The following NR1H4 variants were observed in gnomAD, a reference collection of about 807,000 sequenced individuals.
NR1H4 encodes bile acid receptor.
NR1H4 carries 23 observed loss-of-function variants against 58.5 expected under a neutral mutation model. That is an observed-to-expected ratio of 0.39 (90% CI 0.28 to 0.56). The LOEUF is 0.56. Among genes scored for constraint, NR1H4 ranks in the 20% least tolerant of loss-of-function variants. NR1H4 has a pLI of 0.58. For missense variants in NR1H4, 487 were observed against 576.9 expected (o/e 0.84, Z 1.60); for synonymous variants, 214 against 198.0 (o/e 1.08, Z -0.68).
At position 100,563,252 on chromosome 12, in the gene NR1H4, T is replaced by C; in HGVS notation, c.1194T>C (p.Asp398=). The part of the protein sequence containing the change: ...LLTAIVILSP[D]RQYIKDREAV... ...ATTTTATTTTAAACTTCAAAACAGA[T>C]AGACAATACATAAAGGATAGAGAGG... Residue 398 remains aspartate (D), a splice_region_variant and synonymous_variant, in exon 11 of 11, where the codon GAT becomes GAC. Coordinates refer to ENST00000392986, the MANE Select transcript of NR1H4 (RefSeq NM_001206979.2). The C allele has an allele frequency of 6.2e-7, 1 of 1,606,194 alleles. No individual in the cohort carries two copies. Among genetic ancestry groups the C allele is most frequent in the Non-Finnish European group, 8.5e-7 (1 of 1,172,758 alleles).
chr12:100,510,717 C>G lies in NR1H4; in HGVS notation c.80-61C>G. On this transcript the variant is annotated intron_variant, in intron 3 of 10. Coordinates refer to ENST00000392986, the MANE Select transcript of NR1H4 (RefSeq NM_001206979.2). ...CCACACTCCTAACCATTACGCCAAA[C>G]TGCCTCTCTAATTTCCAGAATGATG... 2.5e-6 allele frequency: 4 copies of G among 1,600,808 alleles called. No individual in the cohort carries two copies. The South Asian group carries it at 4.4e-5, about 18-fold the overall frequency.
intron 1 of NR1H4, among the ~76,000 whole-genome samples, chr12:100,488,135 G>A (rs1953533649): frequency 6.6e-6 from 1 of 151,958 alleles, no homozygotes; most frequent in Non-Finnish European, 1.5e-5. Context: ...CGAGTAGCTG[G>A]GATTACAAGC....
chr12:100,475,857 T>A (rs1953258044), intron 1 of NR1H4, among the ~76,000 whole-genome samples: 1 of 152,270 alleles, frequency 6.6e-6, no homozygotes, highest in Admixed American at 6.5e-5. Flanking sequence ...TGCCTCAGCC[T>A]CCTGAGTAGC....
intron 1 of NR1H4, among the ~76,000 whole-genome samples, chr12:100,478,395 T>C (rs1001526163): frequency 6.6e-6 from 1 of 152,208 alleles, no homozygotes; most frequent in Non-Finnish European, 1.5e-5. Flanking sequence ...AGCAAACCCT[T>C]CTTTTCTGGA....
At chr12:100,494,687 C>T (rs538669922) in intron 3 of NR1H4, among the ~76,000 whole-genome samples, 4 of 152,362 alleles carry the variant, frequency 2.6e-5, no homozygotes, top group Non-Finnish European at 1.5e-5. Context: ...TGACCATTTG[C>T]TTCTGGCCTG....
chr12:100,492,335 C>T (rs1953623061), intron 1 of NR1H4, among the ~76,000 whole-genome samples, 168 bp from the exon 2 acceptor site: 1 of 152,104 alleles, frequency 6.6e-6, no homozygotes, highest in Admixed American at 6.6e-5. Flanking sequence ...ATATCCTCTT[C>T]CTGGGCAGCA....
intron 3 of NR1H4, among the ~76,000 whole-genome samples, chr12:100,510,041 A>T (rs1200472716): frequency 1.3e-5 from 2 of 152,264 alleles, no homozygotes; most frequent in African/African-American, 4.8e-5. Flanking sequence ...CAGCACATAG[A>T]AATCTAAATA....
At chr12:100,488,266 C>T (rs1291797578) in intron 1 of NR1H4, among the ~76,000 whole-genome samples, 1 of 152,152 alleles carries the variant, frequency 6.6e-6, no homozygotes, top group Non-Finnish European at 1.5e-5. Flanking sequence ...TCCCAAAGTG[C>T]TGGGATTACA....
intron 8 of NR1H4, 130 bp from the exon 9 acceptor site, chr12:100,540,542 G>T: frequency 1.1e-6 from 1 of 928,668 alleles, no homozygotes; most frequent in East Asian, 2.4e-5. Context: ...AGTACAAATG[G>T]ACTCAACTAG....
intron 9 of NR1H4, among the ~76,000 whole-genome samples, chr12:100,546,135 A>G (rs995629895): frequency 1.3e-5 from 2 of 152,156 alleles, no homozygotes; most frequent in Non-Finnish European, 2.9e-5. Context: ...GCTGGAGGCT[A>G]TCAGCCAGCC....
At chr12:100,543,835 T>C (rs1226283184) in intron 9 of NR1H4, among the ~76,000 whole-genome samples, 1 of 152,174 alleles carries the variant, frequency 6.6e-6, no homozygotes, top group Non-Finnish European at 1.5e-5. Flanking sequence ...TTTAGACTAT[T>C]GAACATACAC....
At chr12:100,503,504 A>G (rs1415840467) in intron 3 of NR1H4, 4 of 1,589,674 alleles carry the variant, frequency 2.5e-6, no homozygotes, top group East Asian at 4.5e-5. Flanking sequence ...AAGGTAGGAC[A>G]CTGTTCACAG....
At chr12:100,490,363 A>G (rs914638964) in intron 1 of NR1H4, among the ~76,000 whole-genome samples, 6 of 152,188 alleles carry the variant, frequency 3.9e-5, no homozygotes, top group Non-Finnish European at 8.8e-5. Context: ...CAGATGTGAG[A>G]CAAGGAGAGC....
intron 3 of NR1H4, among the ~76,000 whole-genome samples, chr12:100,497,172 G>A (rs1953733834): frequency 6.6e-6 from 1 of 152,168 alleles, no homozygotes; most frequent in Admixed American, 6.5e-5. Flanking sequence ...AGGGACTGGA[G>A]CATATATTAA....
intron 3 of NR1H4, among the ~76,000 whole-genome samples, chr12:100,497,186 T>C (rs1953734294): frequency 6.6e-6 from 1 of 152,124 alleles, no homozygotes; most frequent in Admixed American, 6.6e-5. Flanking sequence ...ATATTAATAT[T>C]AACTGCCCCT....
intron 4 of NR1H4, among the ~76,000 whole-genome samples, chr12:100,513,787 T>C (rs1287610916): frequency 7.5e-6 from 1 of 132,566 alleles, no homozygotes; most frequent in African/African-American, 3.0e-5. Context: ...AGAGCGAGAC[T>C]CCGTCAAAGA....
intron 3 of NR1H4, among the ~76,000 whole-genome samples, chr12:100,498,266 C>T (rs1226971285): frequency 2.6e-5 from 4 of 152,160 alleles, no homozygotes; most frequent in African/African-American, 9.7e-5. Context: ...CACCATTCCA[C>T]TCATTAAAAG....
chr12:100,515,030 C>G (rs1163182532), intron 4 of NR1H4, among the ~76,000 whole-genome samples: 2 of 152,012 alleles, frequency 1.3e-5, no homozygotes, highest in African/African-American at 4.8e-5. Context: ...CATATGAGGC[C>G]TCAATTCTCC....
intron 3 of NR1H4, among the ~76,000 whole-genome samples, chr12:100,507,703 A>G (rs989557226): frequency 2.0e-5 from 3 of 151,860 alleles, no homozygotes. Context: ...GACCTTGTGA[A>G]CCACCTGCCT....
Sources: allele counts gnomAD v4.1 joint callset (sites outside exome capture counted in the v4.1 genomes callset), GRCh38; gene constraint gnomAD v4.1.1; transcripts MANE v1.5; gene names NCBI Gene and HGNC (gene_info 2026-07-23, HGNC 2026-07-21).